The following CIT variants were observed in gnomAD, a reference collection of about 807,000 sequenced individuals.
CIT encodes the protein citron Rho-interacting kinase.
Under a neutral mutation model 272.7 loss-of-function variants are expected in CIT, and 79 were observed. The observed-to-expected ratio is 0.29, with a 90% CI of 0.24 to 0.35. CIT has a LOEUF of 0.35. CIT is among the 10% of genes least tolerant of loss of function. The probability of loss-of-function intolerance (pLI) is 1.00; values close to 1 mark genes in which losing one functional copy is unlikely to be tolerated. For synonymous variants in CIT, 948 were observed against 995.6 expected (o/e 0.95, Z 0.90); for missense variants, 1,909 against 2,618.3 (o/e 0.73, Z 5.91).
intron 10 of CIT, among the ~76,000 whole-genome samples, chr12:119,788,748 T>C (rs1965029988): frequency 2.0e-5 from 3 of 152,046 alleles, no homozygotes; most frequent in Admixed American, 2.0e-4. Context: ...CCGCCGGCAC[T>C]CGAAAGAGAC....
chr12:119,811,105 A>T (rs1369602096), intron 9 of CIT, among the ~76,000 whole-genome samples: 2 of 152,132 alleles, frequency 1.3e-5, no homozygotes, highest in East Asian at 1.9e-4. Flanking sequence ...CAGGTGGATC[A>T]CTTCAGTCTA....
At chr12:119,845,088 C>A (rs1969696557) in intron 5 of CIT, among the ~76,000 whole-genome samples, 1 of 151,978 alleles carries the variant, frequency 6.6e-6, no homozygotes, top group Non-Finnish European at 1.5e-5. Context: ...CCACTGAACT[C>A]CAGCCTTGGC....
Position 119,697,797 on chromosome 12 carries a change from T to C in CIT, c.5744A>G (p.Tyr1915Cys). 6.2e-7 allele frequency: 1 copy of C among 1,614,100 alleles called. No individual in the cohort carries two copies. Among genetic ancestry groups the C allele is most frequent in the South Asian group, 1.1e-5 (1 of 91,080 alleles). ...TCCTGAGGAAATGGCAGGGCCCAGG[T>C]AGCGCGGGTTCGGGATGTCCAGGTA... ...RAYLDIPNPR[Y>C]LGPAISSGAI... Residue 1915 changes from tyrosine (Y) to cysteine (C), a missense_variant, in exon 46 of 48, where the codon TAC becomes TGC. Tyr to Cys is a radical substitution (Grantham distance 194). Coordinates refer to ENST00000392521, the MANE Select transcript of CIT (RefSeq NM_001206999.2). This position sits in a 1 kb window ranked among gnomAD's most constrained non-coding sequence, Gnocchi z 4.9.
In CIT at chr12:119,825,237, C is replaced by G. The variant is rs887393821; in HGVS notation, c.885G>C (p.Glu295Asp). The part of the protein sequence containing the change: ...DWWSVGVIAY[E>D]MIYGRSPFAE... Reference sequence around the variant, plus strand: ...CGAAGGGGGATCTCCCATAAATCATCTCATAGGCAATCACGCCCACTGACC... The same window carrying G: ...CGAAGGGGGATCTCCCATAAATCATGTCATAGGCAATCACGCCCACTGACC... The change falls in exon 8 of 48, where the codon GAG (glutamate) becomes GAC (aspartate). Residue 295 changes from glutamate (E) to aspartate (D), a missense_variant. Physicochemically the swap from Glu to Asp is conservative, Grantham distance 45. Coordinates refer to ENST00000392521, the MANE Select transcript of CIT (RefSeq NM_001206999.2). The G allele has an allele frequency of 1.9e-6, 3 of 1,614,184 alleles. No homozygotes were observed. The Admixed American group carries it at 5.0e-5, about 27-fold the overall frequency.
intron 18 of CIT, among the ~76,000 whole-genome samples, chr12:119,767,786 CAT>C (rs1312818821): frequency 6.6e-6 from 1 of 151,798 alleles, no homozygotes; most frequent in Non-Finnish European, 1.5e-5. Flanking sequence ...CAAAGACAAA[CAT>C]ATAATACACT....
rs539642103 is a variant in CIT at position 119,711,313 on chromosome 12, G to C, written c.4855-693C>G. Among the ~76,000 whole-genome samples, 10 of 152,324 alleles carry C rather than the reference G, an allele frequency of 6.6e-5. No individual in the cohort carries two copies. In the South Asian group the frequency reaches 2.1e-3, roughly 32 times the overall value. On this transcript the variant is annotated intron_variant, in intron 37 of 47. Transcript: ENST00000392521. ...CAAACGTCAATGAGCAATGAGCACT[G>C]TTTGTATCCTGGAACATTTTAGGTG...
At chr12:119,819,290 T>A (rs1315736586) in intron 9 of CIT, among the ~76,000 whole-genome samples, 1 of 152,116 alleles carries the variant, frequency 6.6e-6, no homozygotes, top group Non-Finnish European at 1.5e-5. Flanking sequence ...AGAATAAGTA[T>A]CCTGGAACTG....
chr12:119,772,267 A>G (rs1039450186), intron 17 of CIT, among the ~76,000 whole-genome samples: 7 of 152,208 alleles, frequency 4.6e-5, no homozygotes, highest in African/African-American at 1.7e-4. Flanking sequence ...ACGAAAAGGC[A>G]CTCATGTGGT....
chr12:119,774,918 G>A (rs775720665), intron 16 of CIT, among the ~76,000 whole-genome samples: 6 of 151,960 alleles, frequency 3.9e-5, no homozygotes, highest in Non-Finnish European at 8.8e-5. Context: ...AGGCTGCAGT[G>A]AGCCATGATC....
chr12:119,827,442 A>AT (rs5801368), intron 7 of CIT, among the ~76,000 whole-genome samples: 108,554 of 148,698 alleles, frequency 0.73, 40,029 homozygotes, highest in East Asian at 0.96. Context: ...TAACCAATAG[A>AT]TTTTTTTTTT....
chr12:119,855,414 G>A lies in CIT; in HGVS notation c.414+2109C>T, dbSNP rs546872669. Among the ~76,000 whole-genome samples the A allele has an allele frequency of 1.2e-3, 179 of 151,990 alleles. 1 individual carries two copies. Among genetic ancestry groups the A allele is most frequent in the Non-Finnish European group, 1.9e-3 (127 of 67,974 alleles). On this transcript the variant is annotated intron_variant, in intron 4 of 47. Transcript: ENST00000392521. ...CTCCAGCCTGGGTGACAGAGACTCT[G>A]TCTCAAAATAAATAAATAAATAAAT...
chr12:119,812,400 G>A (rs1052391318), intron 9 of CIT, among the ~76,000 whole-genome samples: 13 of 151,732 alleles, frequency 8.6e-5, no homozygotes, highest in East Asian at 5.8e-4. Context: ...CTGCCTTCCC[G>A]ATCTCTTTAG....
chr12:119,801,377 C>G (rs1022851473), intron 10 of CIT, among the ~76,000 whole-genome samples: 1 of 152,172 alleles, frequency 6.6e-6, no homozygotes, highest in Non-Finnish European at 1.5e-5. Context: ...CTGTGAGAAA[C>G]AGAAAGATGT....
chr12:119,694,364 C>A lies in CIT; in HGVS notation c.5882+3295G>T, dbSNP rs940369655. ...GCCATTAATGAAGAAGCAGTTAAAC[C>A]AATTAAGGTACAGCCCTGATAAGGA... On this transcript the variant is annotated intron_variant, in intron 46 of 47. Transcript: ENST00000392521. This position sits in a 1 kb window ranked among gnomAD's most constrained non-coding sequence, Gnocchi z 4.5. 4.6e-5 allele frequency among the ~76,000 whole-genome samples: 7 copies of A among 152,116 alleles called. No individual in the cohort carries two copies. The South Asian group carries it at 1.5e-3, about 32-fold the overall frequency.
At chr12:119,773,051 ATTT>A in intron 16 of CIT, 141 bp from the exon 17 acceptor site, 1 of 783,700 alleles carries the variant, frequency 1.3e-6, no homozygotes, top group South Asian at 3.8e-5. Flanking sequence ...AGTGTCCTAA[ATTT>A]AAAAAGCAGG....
At chr12:119,750,064 G>A (rs278131) in intron 23 of CIT, among the ~76,000 whole-genome samples, 117,503 of 152,142 alleles carry the variant, frequency 0.77, 45,578 homozygotes, top group Middle Eastern at 0.88. Context: ...AAAAGCTAAA[G>A]ACACAGCATT....
At chr12:119,782,743 C>T (rs2137692787) in intron 12 of CIT, 106 bp from the exon 13 acceptor site, 23 of 1,362,168 alleles carry the variant, frequency 1.7e-5, no homozygotes, top group Non-Finnish European at 2.0e-5. Flanking sequence ...AGGACAGTTT[C>T]GAGTGACGGA....
chr12:119,865,004 C>T (rs529598784), intron 3 of CIT, among the ~76,000 whole-genome samples: 44 of 152,304 alleles, frequency 2.9e-4, no homozygotes, highest in Admixed American at 2.4e-3. Flanking sequence ...GCAGAAGCAG[C>T]TGAGGGACCC....
At chr12:119,745,379 A>AAAAAAAAAAC (rs1402517202) in intron 23 of CIT, among the ~76,000 whole-genome samples, 22 of 133,600 alleles carry the variant, frequency 1.6e-4, no homozygotes, top group African/African-American at 6.7e-4. Context: ...ACAAGCAAAA[A>AAAAAAAAAAC]AAAAAAAAAA....
Sources: gnomAD v4.1 joint callset for allele counts (sites outside exome capture counted in the v4.1 genomes callset) on GRCh38, gnomAD v4.1.1 for gene constraint, Gnocchi (gnomAD v3.1) non-coding constraint, MANE v1.5 for transcripts, NCBI Gene and HGNC (gene_info 2026-07-23, HGNC 2026-07-21) for gene names.